The following REXO1 variants were observed in gnomAD, a reference collection of about 807,000 sequenced individuals.
The protein encoded by REXO1 is REX1, RNA exonuclease 1 homolog.
In REXO1, 42 loss-of-function variants were observed where a neutral mutation model predicts 102.6. That is an observed-to-expected ratio of 0.41 (90% CI 0.32 to 0.53). The LOEUF (loss-of-function observed/expected upper bound fraction) is 0.53, where lower values mean the gene tolerates loss of function less well. REXO1 is among the 20% of genes least tolerant of loss of function. REXO1 has a pLI of 0.27. For missense variants in REXO1, 1,819 were observed against 1,732.5 expected (o/e 1.05, Z -0.89); for synonymous variants, 908 against 779.1 (o/e 1.17, Z -2.76).
chr19:1,825,166 G>C (rs1480186950), intron 3 of REXO1, among the ~76,000 whole-genome samples: 4 of 150,800 alleles, frequency 2.7e-5, no homozygotes, highest in East Asian at 2.0e-4. Flanking sequence ...CTGGTGTGGT[G>C]GTGGGCACCT....
intron 1 of REXO1, among the ~76,000 whole-genome samples, chr19:1,846,643 C>T (rs2145345823): frequency 6.6e-6 from 1 of 152,326 alleles, no homozygotes; most frequent in Non-Finnish European, 1.5e-5. Flanking sequence ...AACCCCAGCA[C>T]TTTGGGAGGC....
At position 1,828,588 on chromosome 19, in the gene REXO1, G is replaced by A. The variant is rs755845516; in HGVS notation, c.201C>T (p.Pro67=). 1.1e-4 allele frequency: 173 copies of A among 1,603,024 alleles called. No homozygotes were observed. Among genetic ancestry groups the A allele is most frequent in the Admixed American group, 3.5e-4 (21 of 59,960 alleles). The change falls in exon 2 of 16, where the codon CCC becomes CCT. Residue 67 remains proline (P), a synonymous_variant. Coordinates refer to ENST00000170168, the MANE Select transcript of REXO1 (RefSeq NM_020695.4). ...DPYNPELPKP[P]AQRENGTLGL... Reference sequence around the variant, plus strand: ...CCAGGGTGCCATTCTCCCTCTGCGCGGGGGGCTTGGGCAGCTCAGGGTTGT... The same window carrying A: ...CCAGGGTGCCATTCTCCCTCTGCGCAGGGGGCTTGGGCAGCTCAGGGTTGT...
At chr19:1,825,321 A>C (rs975418870) in intron 3 of REXO1, among the ~76,000 whole-genome samples, 30 of 70,266 alleles carry the variant, frequency 4.3e-4, no homozygotes, top group African/African-American at 5.3e-4. Flanking sequence ...AAAAAAAAAA[A>C]ACAACCAAAA....
At chr19:1,825,075 G>A (rs1271181963) in intron 3 of REXO1, among the ~76,000 whole-genome samples, 1 of 150,220 alleles carries the variant, frequency 6.7e-6, no homozygotes, top group East Asian at 2.0e-4. Flanking sequence ...CAGCATTTTG[G>A]GAGGCCGAGG....
At chr19:1,825,402 A>AG (rs2069684257) in intron 3 of REXO1, among the ~76,000 whole-genome samples, 1 of 150,674 alleles carries the variant, frequency 6.6e-6, no homozygotes, top group African/African-American at 2.4e-5. Flanking sequence ...AACGCTGGGA[A>AG]GCCGAGGCAG....
In REXO1 at chr19:1,823,738, C is replaced by G; in HGVS notation, c.2064G>C (p.Pro688=). 1 of 1,263,406 alleles carries G rather than the reference C, an allele frequency of 7.9e-7. No individual in the cohort carries two copies. Among genetic ancestry groups the G allele is most frequent in the Non-Finnish European group, 1.0e-6 (1 of 997,960 alleles). 78.3% of individuals were successfully genotyped at this position (1,263,406 alleles called of 1,614,324 possible). ...GCAGGTAGCACACCTCCTGCGCCGT[C>G]GGGGGCCGGGCCGGGGGCACCGCGG... ...RGPAVPPARP[P]TAQEVCYLRA... Residue 688 remains proline (P), a synonymous_variant, in exon 4 of 16, where the codon CCG becomes CCC. Coordinates refer to ENST00000170168, the MANE Select transcript of REXO1 (RefSeq NM_020695.4).
rs377054348 is a variant in REXO1 at position 1,818,751 on chromosome 19, C to T, written c.2857G>A (p.Gly953Arg). 2.1e-5 allele frequency: 34 copies of T among 1,610,644 alleles called. No individual in the cohort carries two copies. The highest frequency in any genetic ancestry group is 2.6e-5 in the Non-Finnish European group (31 of 1,179,902). Residue 953 changes from glycine (G) to arginine (R), a missense_variant, in exon 9 of 16, where the codon GGG becomes AGG. By Grantham distance (125) the Gly-to-Arg change is moderately radical (BLOSUM62 -2). Transcript: ENST00000170168. ...TCAGCTGTGAAGATGATTGCGCCCCCGGGCCGCTCTGGGTGCGGGAAGGGG... is the reference window on the plus strand; with the variant it reads ...TCAGCTGTGAAGATGATTGCGCCCCTGGGCCGCTCTGGGTGCGGGAAGGGG... ...GYPFPHPERP[G>R]GAIIFTAEEK...
intron 1 of REXO1, among the ~76,000 whole-genome samples, chr19:1,831,024 G>T (rs2069886744): frequency 6.6e-6 from 1 of 152,196 alleles, no homozygotes; most frequent in Non-Finnish European, 1.5e-5. Context: ...TCTCACCTTT[G>T]AAAAGCAGCT....
At chr19:1,817,896 G>C in intron 10 of REXO1, 116 bp from the exon 11 acceptor site, 1 of 773,052 alleles carries the variant, frequency 1.3e-6, no homozygotes, top group Non-Finnish European at 2.1e-6. Flanking sequence ...GAGGACAGGA[G>C]GCCTCAGCCT....
At chr19:1,839,885 G>A (rs1254458316) in intron 1 of REXO1, among the ~76,000 whole-genome samples, 1 of 152,236 alleles carries the variant, frequency 6.6e-6, no homozygotes, top group Non-Finnish European at 1.5e-5. Flanking sequence ...GCACGGGGCG[G>A]TGGCCAACTC....
chr19:1,827,055 G>A lies in REXO1; in HGVS notation c.1734C>T (p.Pro578=), dbSNP rs761889929. 2.4e-5 allele frequency: 29 copies of A among 1,216,894 alleles called. No homozygotes were observed. The highest frequency in any genetic ancestry group is 1.2e-4 in the Admixed American group (6 of 50,182). The allele number at this position is 1,216,894 out of a possible 1,614,324, so 75.4% of individuals were successfully genotyped here. A position where few individuals can be genotyped will look rare whatever the true frequency, so the allele number is the denominator to read the frequency against. Reference sequence around the variant, plus strand: ...AGGAGGAGGAGGAGGAGGATGGGGCGGGGGAGGGGGGCGGGGAGGCCTTGA... The same window carrying A: ...AGGAGGAGGAGGAGGAGGATGGGGCAGGGGAGGGGGGCGGGGAGGCCTTGA... ...KRLKASPPPS[P]APSSSSSSSS... Residue 578 remains proline, a synonymous_variant, in exon 2 of 16, where the codon CCC becomes CCT. Transcript: ENST00000170168.
At chr19:1,819,831 CTG>C (rs2069478827) in intron 7 of REXO1, 101 bp downstream of exon 7, 4 of 1,266,406 alleles carry the variant, frequency 3.2e-6, no homozygotes, top group Non-Finnish European at 2.1e-6. Context: ...TTGTCTGAGA[CTG>C]TGGCTGAGCT....
chr19:1,827,982 T>C lies in REXO1; in HGVS notation c.807A>G (p.Thr269=), dbSNP rs2145282999. 1 of 1,613,428 alleles carries C rather than the reference T, an allele frequency of 6.2e-7. No individual in the cohort carries two copies. Among genetic ancestry groups the C allele is most frequent in the Non-Finnish European group, 8.5e-7 (1 of 1,179,812 alleles). ...GGTCACAGAGCTTCTTGGGAGCAGG[T>C]GTGTAGGGCTCACTGCCGCGGGAGC... ...PRGSRGSEPY[T]PAPKKLCDPF... is the part of the protein sequence containing the mutation. Residue 269 remains threonine (T), a synonymous_variant, in exon 2 of 16, where the codon ACA becomes ACG. Transcript: ENST00000170168.
chr19:1,816,571 TG>T lies in REXO1; in HGVS notation c.3318-3del. The T allele has an allele frequency of 8.0e-7, 1 of 1,254,240 alleles. No homozygotes were observed. Among genetic ancestry groups the T allele is most frequent in the Non-Finnish European group, 1.0e-6 (1 of 971,246 alleles). The allele number at this position is 1,254,240 out of a possible 1,614,324, so 77.7% of individuals were successfully genotyped here. A position where few individuals can be genotyped will look rare whatever the true frequency, so the allele number is the denominator to read the frequency against. On this transcript the variant is annotated splice_region_variant and splice_polypyrimidine_tract_variant and intron_variant, in intron 13 of 15. Coordinates refer to ENST00000170168, the MANE Select transcript of REXO1 (RefSeq NM_020695.4). Reference sequence around the variant, plus strand: ...TCAGCCTCCGTCACCCCCGAAAACCTGGGGGAACGGGCAGGAGGGGCACCAG... The same window carrying T: ...TCAGCCTCCGTCACCCCCGAAAACCTGGGGAACGGGCAGGAGGGGCACCAG...
chr19:1,816,049 T>A lies in REXO1; in HGVS notation c.*17A>T. ...CCAGCGGGACGGCAGGAGAGGCGGG[T>A]GGGAGGCGGGCAGGCGTCATCGCTT... On this transcript the variant is annotated 3_prime_UTR_variant, in exon 16 of 16. Coordinates refer to ENST00000170168, the MANE Select transcript of REXO1 (RefSeq NM_020695.4). The A allele has an allele frequency of 6.5e-7, 1 of 1,536,474 alleles. No homozygotes were observed. The highest frequency in any genetic ancestry group is 8.7e-7 in the Non-Finnish European group (1 of 1,146,120).
At position 1,821,657 on chromosome 19, in the gene REXO1, A is replaced by G; in HGVS notation, c.2256T>C (p.Leu752=). The G allele has an allele frequency of 6.2e-7, 1 of 1,612,986 alleles. No homozygotes were observed. Among genetic ancestry groups the G allele is most frequent in the Non-Finnish European group, 8.5e-7 (1 of 1,179,722 alleles). ...TGGAGGACTGGCTGCCGCTGGCCGC[A>G]AGGGTCCTCTTGGCACCTGTGGGGG... ...AAAPTGAKRT[L]AASGSQSSNG... is the part of the protein sequence containing the mutation. The change falls in exon 5 of 16, where the codon CTT becomes CTC. Residue 752 remains leucine (L), a synonymous_variant. Coordinates refer to ENST00000170168, the MANE Select transcript of REXO1 (RefSeq NM_020695.4).
At chr19:1,817,445 C>A in intron 11 of REXO1, 116 bp from the exon 12 acceptor site, 1 of 1,510,668 alleles carries the variant, frequency 6.6e-7, no homozygotes. Context: ...CACGCCCATT[C>A]ACTGGTTGGG....
intron 1 of REXO1, among the ~76,000 whole-genome samples, chr19:1,845,727 T>C (rs899567251): frequency 2.0e-5 from 3 of 152,188 alleles, no homozygotes; most frequent in Non-Finnish European, 4.4e-5. Flanking sequence ...GAAGGAAACC[T>C]GAGTCCTTCA....
chr19:1,832,439 G>C (rs1330086358), intron 1 of REXO1, among the ~76,000 whole-genome samples: 7 of 152,234 alleles, frequency 4.6e-5, no homozygotes, highest in Non-Finnish European at 8.8e-5. Flanking sequence ...GGCCCCTCCT[G>C]TTCCCGGGAA....
Sources: gnomAD v4.1 joint callset for allele counts (sites outside exome capture counted in the v4.1 genomes callset) on GRCh38, gnomAD v4.1.1 for gene constraint, MANE v1.5 for transcripts, NCBI Gene and HGNC (gene_info 2026-07-23, HGNC 2026-07-21) for gene names.